ZNF611: variants seen among roughly 807,000 people sequenced by gnomAD.
ZNF611 encodes zinc finger protein 611.
In ZNF611, 6 loss-of-function variants were observed where a neutral mutation model predicts 8.9. The ratio of observed to expected loss-of-function variants is 0.68; its 90% CI spans 0.37 to 1.34. The LOEUF is 1.34. ZNF611 is among the 40% of genes most tolerant of loss of function. The pLI is 0.02. For missense variants in ZNF611, 874 were observed against 841.3 expected (o/e 1.04, Z -0.48); for synonymous variants, 262 against 279.7 (o/e 0.94, Z 0.63).
chr19:52,714,571 C>T (rs1241869982), intron 4 of ZNF611, among the ~76,000 whole-genome samples: 3 of 151,014 alleles, frequency 2.0e-5, no homozygotes, highest in Non-Finnish European at 4.4e-5. Context: ...ACCTGTAATC[C>T]CAGCTACACA....
chr19:52,727,482 T>C (rs538396337), intron 3 of ZNF611, among the ~76,000 whole-genome samples: 1 of 152,296 alleles, frequency 6.6e-6, no homozygotes, highest in African/African-American at 2.4e-5. Flanking sequence ...TGGCTCTACT[T>C]GGTAATGGAG....
At chr19:52,730,407 A>C (rs2085162368) in intron 1 of ZNF611, among the ~76,000 whole-genome samples, 2 of 148,188 alleles carry the variant, frequency 1.3e-5, no homozygotes, top group African/African-American at 5.0e-5. Context: ...AAAAAAAAAA[A>C]AAAAAAAAAA....
chr19:52,710,839 T>C (rs2062274545), intron 5 of ZNF611, among the ~76,000 whole-genome samples: 1 of 152,090 alleles, frequency 6.6e-6, no homozygotes, highest in South Asian at 2.1e-4. Context: ...AGCAGGTGGA[T>C]GAATCACTAG....
chr19:52,707,772 C>T (rs113634648), intron 5 of ZNF611, among the ~76,000 whole-genome samples: 1,923 of 151,824 alleles, frequency 0.013, 43 homozygotes, highest in African/African-American at 0.044. Context: ...GTAGCTTGGA[C>T]TACAGGCATG....
In ZNF611 at chr19:52,704,284, A is replaced by C; in HGVS notation, c.*653T>G. On this transcript the variant is annotated 3_prime_UTR_variant, in exon 6 of 6. Coordinates refer to ENST00000652185, the MANE Select transcript of ZNF611 (RefSeq NM_001161499.2). ...ATTTCATTGGGAACGGTTATCTCAA[A>C]AATGAATTTTCTGATGTTCTGCATG... The C allele has an allele frequency of 1.9e-6, 1 of 525,924 alleles. No individual in the cohort carries two copies. Among genetic ancestry groups the C allele is most frequent in the Non-Finnish European group, 3.8e-6 (1 of 264,698 alleles). 32.6% of individuals were successfully genotyped at this position (525,924 alleles called of 1,614,324 possible).
chr19:52,705,341 T>G lies in ZNF611; in HGVS notation c.1714A>C (p.Ser572Arg). The change falls in exon 6 of 6, where the codon AGC becomes CGC. Residue 572 changes from serine (S) to arginine (R), a missense_variant. Ser to Arg is a moderately radical substitution (Grantham distance 110). Coordinates refer to ENST00000652185, the MANE Select transcript of ZNF611 (RefSeq NM_001161499.2). ...TATGACCTGTGACTGAAGGTCTTGC[T>G]GCACTCATTACACTTGTAAGGTTTC... Reference protein sequence around the residue: ...GEKPYKCNECSKTFSHRSYLV... With the variant: ...GEKPYKCNECRKTFSHRSYLV... The G allele has an allele frequency of 6.2e-7, 1 of 1,613,622 alleles. No homozygotes were observed. The highest frequency in any genetic ancestry group is 8.5e-7 in the Non-Finnish European group (1 of 1,179,874).
rs775407435 is a variant in ZNF611, at chr19:52,715,895, G to A, written c.-1C>T. The A allele has an allele frequency of 8.7e-6, 14 of 1,613,402 alleles. No individual in the cohort carries two copies. The African/African-American group carries it at 1.9e-4, about 22-fold the overall frequency. On this transcript the variant is annotated 5_prime_UTR_variant, in exon 4 of 6. Coordinates refer to ENST00000652185, the MANE Select transcript of ZNF611 (RefSeq NM_001161499.2). Reference sequence around the variant, plus strand: ...TCTGAGCTGCTTCCTCACGTAACATGAGTCTTTAGGAATCAATCCTGTATG... The same window carrying A: ...TCTGAGCTGCTTCCTCACGTAACATAAGTCTTTAGGAATCAATCCTGTATG...
At chr19:52,707,252 TAAAAA>T in intron 5 of ZNF611, 1 of 99,540 alleles carries the variant, frequency 1.0e-5, no homozygotes, top group Non-Finnish European at 2.1e-5. Flanking sequence ...AAATAAATGC[TAAAAA>T]AAAAAAAAAA....
In ZNF611 at chr19:52,705,731, C is replaced by T. The variant is rs763053338; in HGVS notation, c.1324G>A (p.Val442Ile). 6.2e-7 allele frequency: 1 copy of T among 1,614,002 alleles called. No homozygotes were observed. Among genetic ancestry groups the T allele is most frequent in the Non-Finnish European group, 8.5e-7 (1 of 1,179,958 alleles). ...GKTFSHKSSL[V>I]CHHRLHGGEK... ...CCACCATGAAGTCTATGATGGCATA[C>T]AAGGGATGACTTGTGACTGAAGGTC... Residue 442 changes from valine to isoleucine, a missense_variant, in exon 6 of 6, where the codon GTA (valine) becomes ATA (isoleucine). Physicochemically the swap from Val to Ile is conservative, Grantham distance 29 (BLOSUM62 3). Transcript: ENST00000652185.
At chr19:52,712,282 G>A (rs2062285161) in intron 5 of ZNF611, among the ~76,000 whole-genome samples, 1 of 151,754 alleles carries the variant, frequency 6.6e-6, no homozygotes, top group African/African-American at 2.4e-5. Context: ...CCATGGGGGT[G>A]AACAAGGATC....
chr19:52,713,529 G>A (rs939733020), intron 5 of ZNF611, among the ~76,000 whole-genome samples: 1 of 152,168 alleles, frequency 6.6e-6, no homozygotes, highest in African/African-American at 2.4e-5. Flanking sequence ...GCTTAGAGAA[G>A]ATGATCATTA....
intron 3 of ZNF611, among the ~76,000 whole-genome samples, chr19:52,725,789 C>A (rs538004629): frequency 6.6e-6 from 1 of 152,294 alleles, no homozygotes; most frequent in East Asian, 2.0e-4. Context: ...AGAAGCCAGT[C>A]CCGGGTGGGG....
chr19:52,720,564 A>C (rs1160597115), intron 3 of ZNF611, among the ~76,000 whole-genome samples: 2 of 143,354 alleles, frequency 1.4e-5, no homozygotes, highest in Non-Finnish European at 3.0e-5. Flanking sequence ...GCAGCCGGGC[A>C]GAGGCGCTCC....
In ZNF611 at chr19:52,718,321, CAG is replaced by C. The variant is rs539956694; in HGVS notation, c.-19-2410_-19-2409del. Among the ~76,000 whole-genome samples the C allele has an allele frequency of 6.6e-5, 10 of 152,004 alleles. No homozygotes were observed. In the East Asian group the frequency reaches 1.6e-3, roughly 24 times the overall value. On this transcript the variant is annotated intron_variant, in intron 3 of 5. Transcript: ENST00000652185. ...TGCCACTGCACACCAGCCTGGGTGA[CAG>C]AGTCTCAATAAATAAAAATATATAT...
rs201130311 is a variant in ZNF611 at position 52,705,242 on chromosome 19, G to T, written c.1813C>A (p.Arg605Ser). 1 of 1,614,046 alleles carries T rather than the reference G, an allele frequency of 6.2e-7. No homozygotes were observed. The highest frequency in any genetic ancestry group is 8.5e-7 in the Non-Finnish European group (1 of 1,180,010). The change falls in exon 6 of 6, where the codon CGC (arginine) becomes AGC (serine). Residue 605 changes from arginine to serine, a missense_variant. Physicochemically the swap from Arg to Ser is moderately radical, Grantham distance 110 (BLOSUM62 -1). Transcript: ENST00000652185. ...KCNECSKTFS[R>S]RSSLHCHRRL... ...CGATGGCAATGAAGGGATGACCTGC[G>T]ACTGAAGGTCTTGCTGCACTCATTA...
intron 3 of ZNF611, among the ~76,000 whole-genome samples, chr19:52,721,775 G>GT (rs1472794785): frequency 6.6e-6 from 1 of 151,620 alleles, no homozygotes; most frequent in Admixed American, 6.6e-5. Context: ...GCTTTTTTTT[G>GT]TTTTTTGAGA....
Position 52,705,796 on chromosome 19 carries a change from T to C in ZNF611, c.1259A>G (p.His420Arg), listed in dbSNP as rs748430669. 2.5e-6 allele frequency: 4 copies of C among 1,614,082 alleles called. No individual in the cohort carries two copies. The Admixed American group carries it at 5.0e-5, about 20-fold the overall frequency. ...HSQLARHRRI[H>R]TAKKTYKCNE... ...ACATTTATAAGTTTTCTTTGCAGTA[T>C]GAATTCTTCTATGTCGAGCCAGCTG... Residue 420 changes from histidine to arginine, a missense_variant, in exon 6 of 6, where the codon CAT (histidine) becomes CGT (arginine). His to Arg is a conservative substitution (Grantham distance 29). Coordinates refer to ENST00000652185, the MANE Select transcript of ZNF611 (RefSeq NM_001161499.2).
rs1457805586 is a variant in ZNF611, at chr19:52,706,620, C to G, written c.435G>C (p.Arg145Ser). ...CTTTAATAGGCTTGTTTCCAGCATG[C>G]CTGTGATCATGTTGGTCTGTGCTAC... ...LTGSTDQHDH[R>S]HAGNKPIKDQ... Residue 145 changes from arginine to serine, a missense_variant, in exon 6 of 6, where the codon AGG (arginine) becomes AGC (serine). Coordinates refer to ENST00000652185, the MANE Select transcript of ZNF611 (RefSeq NM_001161499.2). The G allele has an allele frequency of 3.7e-6, 6 of 1,613,962 alleles. No individual in the cohort carries two copies. The highest frequency in any genetic ancestry group is 2.2e-5 in the South Asian group (2 of 91,072).
At chr19:52,717,073 G>A (rs2062322478) in intron 3 of ZNF611, among the ~76,000 whole-genome samples, 1 of 151,132 alleles carries the variant, frequency 6.6e-6, no homozygotes, top group African/African-American at 2.4e-5. Flanking sequence ...AACCATTTGT[G>A]CCTCAGTTCT....
Sources: allele counts gnomAD v4.1 joint callset (sites outside exome capture counted in the v4.1 genomes callset), GRCh38; gene constraint gnomAD v4.1.1; transcripts MANE v1.5; gene names NCBI Gene and HGNC (gene_info 2026-07-23, HGNC 2026-07-21).